Variants in PDE7A observed in about 807,000 individuals in gnomAD.
PDE7A encodes phosphodiesterase 7A.
PDE7A carries 39 observed loss-of-function variants against 64.3 expected under a neutral mutation model. The observed-to-expected ratio is 0.61, with a 90% CI of 0.47 to 0.79. The LOEUF is 0.79. Among genes scored for constraint, PDE7A ranks in the 30% least tolerant of loss-of-function variants. PDE7A has a pLI of 0.00. For synonymous variants in PDE7A, 203 were observed against 206.8 expected (o/e 0.98, Z 0.16); for missense variants, 470 against 582.8 (o/e 0.81, Z 1.99).
In PDE7A at chr8:65,799,763, A is replaced by G. The variant is rs6980588; in HGVS notation, c.139-16920T>C. On this transcript the variant is annotated intron_variant, in intron 1 of 12. Coordinates refer to ENST00000401827, the MANE Select transcript of PDE7A (RefSeq NM_001242318.3). ...GACCTGGAGTAATCCTCTGCCAATCAAGACTGCTAAGTAGGATTACCCAAG... is the reference window on the plus strand; with the variant it reads ...GACCTGGAGTAATCCTCTGCCAATCGAGACTGCTAAGTAGGATTACCCAAG... 5.9e-3 allele frequency among the ~76,000 whole-genome samples: 891 copies of G among 152,300 alleles called. 9 individuals are homozygous for G. The highest frequency in any genetic ancestry group is 0.02 in the African/African-American group (842 of 41,560).
chr8:65,765,898 T>C (rs989179071), intron 3 of PDE7A, among the ~76,000 whole-genome samples: 1 of 152,234 alleles, frequency 6.6e-6, no homozygotes, highest in Non-Finnish European at 1.5e-5. Flanking sequence ...AACTAAAGAA[T>C]GATTTATTAA....
At position 65,729,758 on chromosome 8, in the gene PDE7A, G is replaced by A. The variant is rs527275632; in HGVS notation, c.697-2457C>T. Reference sequence around the variant, plus strand: ...TTTTTTTTGGTACTTTTATAGAGATGGGGTTTCACCATGTTGGCCAGGCTG... The same window carrying A: ...TTTTTTTTGGTACTTTTATAGAGATAGGGTTTCACCATGTTGGCCAGGCTG... On this transcript the variant is annotated intron_variant, in intron 7 of 12. Coordinates refer to ENST00000401827, the MANE Select transcript of PDE7A (RefSeq NM_001242318.3). Among the ~76,000 whole-genome samples the A allele has an allele frequency of 1.3e-4, 20 of 150,698 alleles. No homozygotes were observed. In the South Asian group the frequency reaches 4.2e-3, roughly 32 times the overall value.
chr8:65,821,085 T>C (rs1395897699), intron 1 of PDE7A, among the ~76,000 whole-genome samples: 3 of 152,164 alleles, frequency 2.0e-5, no homozygotes, highest in African/African-American at 7.2e-5. Context: ...TATCTACTCA[T>C]ACTTCTCAAG....
chr8:65,806,333 T>G (rs1319751444), intron 1 of PDE7A, among the ~76,000 whole-genome samples: 5 of 151,926 alleles, frequency 3.3e-5, no homozygotes, highest in Non-Finnish European at 2.9e-5. Context: ...AGACAGAAAG[T>G]AGATTATTAA....
chr8:65,769,715 G>A (rs1041912247), intron 3 of PDE7A, among the ~76,000 whole-genome samples: 4 of 152,140 alleles, frequency 2.6e-5, no homozygotes, highest in Non-Finnish European at 5.9e-5. Context: ...GGCCAACATA[G>A]TGAAACCCCG....
chr8:65,788,992 A>C, intron 1 of PDE7A: 1 of 1,602,970 alleles, frequency 6.2e-7, no homozygotes, highest in East Asian at 2.2e-5. Flanking sequence ...CTAGGGAGCA[A>C]GGAAAACTTC....
At chr8:65,794,393 A>T (rs1189394785) in intron 1 of PDE7A, among the ~76,000 whole-genome samples, 1 of 150,536 alleles carries the variant, frequency 6.6e-6, no homozygotes, top group Admixed American at 6.6e-5. Context: ...ATCTTGAAAG[A>T]TACTTTTTTT....
rs1295250505 is a variant in PDE7A at position 65,797,906 on chromosome 8, C to T, written c.139-15063G>A. The stretch of plus-strand genomic sequence containing the variant: ...CATAAAGACTAAAATAATAAAATTT[C>T]TAAGAAAATGTATGAGAATATATCC... On this transcript the variant is annotated intron_variant, in intron 1 of 12. Transcript: ENST00000401827. Among the ~76,000 whole-genome samples, 4 of 150,364 alleles carry T rather than the reference C, an allele frequency of 2.7e-5. No individual in the cohort carries two copies. The South Asian group carries it at 6.3e-4, about 24-fold the overall frequency.
intron 3 of PDE7A, 36 bp downstream of exon 3, chr8:65,779,684 G>C: frequency 9.4e-7 from 1 of 1,063,822 alleles, no homozygotes; most frequent in Non-Finnish European, 1.4e-6. Context: ...AATTTGTAGT[G>C]AAAATCCGAG....
intron 1 of PDE7A, among the ~76,000 whole-genome samples, chr8:65,813,310 G>C (rs1234529178): frequency 6.6e-6 from 1 of 152,022 alleles, no homozygotes; most frequent in Non-Finnish European, 1.5e-5. Context: ...CTGTTTGAAA[G>C]TACTATTAAA....
chr8:65,730,140 T>C (rs1806794824), intron 7 of PDE7A, among the ~76,000 whole-genome samples: 1 of 147,714 alleles, frequency 6.8e-6, no homozygotes, highest in East Asian at 2.1e-4. Flanking sequence ...TATTGTAAAC[T>C]GTGCATGTGA....
intron 1 of PDE7A, among the ~76,000 whole-genome samples, chr8:65,840,682 G>T (rs2128936333): frequency 6.6e-6 from 1 of 152,232 alleles, no homozygotes; most frequent in East Asian, 1.9e-4. Flanking sequence ...AAACAGAAAT[G>T]CTCAGGAGCA....
chr8:65,800,800 A>C (rs940319571), intron 1 of PDE7A, among the ~76,000 whole-genome samples: 9 of 152,180 alleles, frequency 5.9e-5, no homozygotes, highest in African/African-American at 2.2e-4. Context: ...CGAACATCAA[A>C]CAGAAACTCC....
At chr8:65,750,514 CTGTG>C (rs1300141964) in intron 3 of PDE7A, among the ~76,000 whole-genome samples, 2 of 101,020 alleles carry the variant, frequency 2.0e-5, no homozygotes, top group Non-Finnish European at 4.5e-5. Flanking sequence ...CTGTGTGTGT[CTGTG>C]TGTGTGTGAG....
At chr8:65,830,797 CT>C (rs1810798375) in intron 1 of PDE7A, among the ~76,000 whole-genome samples, 1 of 152,006 alleles carries the variant, frequency 6.6e-6, no homozygotes, top group Non-Finnish European at 1.5e-5. Flanking sequence ...AAATAAAGCA[CT>C]TTTTATTCCC....
At chr8:65,724,110 T>A (rs1806507264) in intron 11 of PDE7A, 145 bp downstream of exon 11, 1 of 557,480 alleles carries the variant, frequency 1.8e-6, no homozygotes, top group African/African-American at 1.9e-5. Flanking sequence ...TTTGTATTGA[T>A]TAGATGTATA....
intron 3 of PDE7A, among the ~76,000 whole-genome samples, chr8:65,777,196 C>T (rs903278820): frequency 5.3e-5 from 8 of 151,046 alleles, no homozygotes; most frequent in Non-Finnish European, 7.4e-5. Context: ...TCTCCTGCCT[C>T]GGCCTCCCAA....
intron 6 of PDE7A, among the ~76,000 whole-genome samples, chr8:65,735,601 A>G (rs1005374596): frequency 6.6e-6 from 1 of 151,990 alleles, no homozygotes; most frequent in African/African-American, 2.4e-5. Flanking sequence ...GTGAGCCACT[A>G]TGCCCCACCT....
At chr8:65,737,296 G>A (rs1807180908) in intron 6 of PDE7A, among the ~76,000 whole-genome samples, 2 of 151,982 alleles carry the variant, frequency 1.3e-5, no homozygotes, top group African/African-American at 4.8e-5. Context: ...AGCGGCAACA[G>A]GATGAAGGGA....
Sources: allele counts gnomAD v4.1 joint callset (sites outside exome capture counted in the v4.1 genomes callset), GRCh38; gene constraint gnomAD v4.1.1; transcripts MANE v1.5; gene names NCBI Gene and HGNC (gene_info 2026-07-23, HGNC 2026-07-21).